Variants in TASOR2 observed in about 807,000 individuals in gnomAD.
The protein encoded by TASOR2 is transcription activation suppressor family member 2, also known as protein TASOR 2.
TASOR2 carries 84 observed loss-of-function variants against 199.5 expected under a neutral mutation model. The observed-to-expected ratio is 0.42, with a 90% CI of 0.35 to 0.50. The LOEUF (loss-of-function observed/expected upper bound fraction) is 0.50. Ranked by LOEUF, TASOR2 falls within the 20% of genes least tolerant of loss-of-function variation. The pLI is 0.02. For synonymous variants in TASOR2, 1,103 were observed against 1,046.6 expected, an observed-to-expected ratio of 1.05 and a Z score of -1.04; for missense variants, 2,796 against 2,835.9, an observed-to-expected ratio of 0.99 and a Z score of 0.32.
At chr10:5,749,683 G>A (rs1267313237) in exon 15 of TASOR2, 1 of 1,614,160 alleles carries the variant, frequency 6.2e-7, no homozygotes, top group Non-Finnish European at 8.5e-7. Context: ...AAATCACACT[G>A]TTTCATTCCA....
intron 10 of TASOR2, among the ~76,000 whole-genome samples, chr10:5,728,447 C>T (rs1292497621): frequency 6.6e-6 from 1 of 151,746 alleles, no homozygotes; most frequent in Non-Finnish European, 1.5e-5. Flanking sequence ...ACCATCCTGG[C>T]CAACATGGTG....
rs1381783487 is a variant in TASOR2 at position 5,752,082 on chromosome 10, G to A, written c.6606+2055G>A. 1.3e-5 allele frequency among the ~76,000 whole-genome samples: 2 copies of A among 151,934 alleles called. No individual in the cohort carries two copies. The highest frequency in any genetic ancestry group is 2.9e-5 in the Non-Finnish European group (2 of 67,998). On this transcript the variant is annotated intron_variant, in intron 15 of 20. Transcript: ENST00000328090. This position sits in a 1 kb window ranked among gnomAD's most constrained non-coding sequence, Gnocchi z 4.4. ...CCTCCCGAAACTCCCTGACCTGAGCGCGGGCCAGCTGCCCTCCCCCTACCC... is the reference window on the plus strand; with the variant it reads ...CCTCCCGAAACTCCCTGACCTGAGCACGGGCCAGCTGCCCTCCCCCTACCC...
Position 5,738,007 on chromosome 10 carries a change from A to T in TASOR2, c.1448-1611A>T, listed in dbSNP as rs539474058. 6.6e-6 allele frequency among the ~76,000 whole-genome samples: 1 copy of T among 152,374 alleles called. No homozygotes were observed. The highest frequency in any genetic ancestry group is 2.1e-4 in the South Asian group (1 of 4,834). ...AATTTTTTTCTTAAGCACCTATGTT[A>T]ATCATTTTACTTCTTATACTTAAAA... On this transcript the variant is annotated intron_variant, in intron 12 of 20. Transcript: ENST00000328090. This position sits in a 1 kb window ranked among gnomAD's most constrained non-coding sequence, Gnocchi z 4.7.
chr10:5,697,154 T>C (rs2131508254), intron 1 of TASOR2, among the ~76,000 whole-genome samples: 1 of 152,280 alleles, frequency 6.6e-6, no homozygotes, highest in African/African-American at 2.4e-5. Context: ...TAAACAAAAC[T>C]TCATTGTACC....
Position 5,748,166 on chromosome 10 carries a change from T to G in TASOR2, c.4745T>G (p.Ile1582Ser). The G allele has an allele frequency of 6.2e-7, 1 of 1,614,252 alleles. No individual in the cohort carries two copies. The highest frequency in any genetic ancestry group is 8.5e-7 in the Non-Finnish European group (1 of 1,180,038). The change falls in exon 15 of 21, where the codon ATT becomes AGT. Residue 1582 changes from isoleucine to serine, a missense_variant. This residue lies in a region of TASOR2 where 1,941 missense variants were observed against 1,924.9 expected (regional missense o/e 1.01). Coordinates refer to ENST00000328090, the Ensembl canonical transcript of TASOR2. The surrounding 1 kb of genome is among the most constrained non-coding windows in gnomAD (Gnocchi z 5.1). ...CCTCCATTTGGTCCTAGAAATGTTA[T>G]TGAAAATAAGTCTTTGTCTGACACA...
intron 11 of TASOR2, among the ~76,000 whole-genome samples, chr10:5,731,560 T>A (rs1453875143): frequency 1.3e-5 from 2 of 152,230 alleles, no homozygotes; most frequent in Non-Finnish European, 2.9e-5. Context: ...TCGATCCCTC[T>A]GCTGTCTTGG....
Position 5,749,654 on chromosome 10 carries a change from ATCTTAGAAAT to A in TASOR2, c.6237_6246del (p.Arg2080LysfsTer13). 6.2e-7 allele frequency: 1 copy of A among 1,614,154 alleles called. No individual in the cohort carries two copies. The highest frequency in any genetic ancestry group is 8.5e-7 in the Non-Finnish European group (1 of 1,180,004). ...AGAGAGAGATGTAGTCATAATAGAG[ATCTTAGAAAT>A]TCTCAAAGAAATCACACTGTTTCAT... is the stretch of plus-strand genomic sequence containing the variant. On this transcript the variant is annotated frameshift_variant, in exon 15 of 21. Transcript: ENST00000328090. LOFTEE classifies it high-confidence loss of function.
chr10:5,732,926 A>C (rs1007384249), intron 11 of TASOR2, among the ~76,000 whole-genome samples: 1 of 152,138 alleles, frequency 6.6e-6, no homozygotes. Context: ...TTAGGAGGGT[A>C]AGTGGAAAGT....
rs1838607397 is a variant in TASOR2 at position 5,754,695 on chromosome 10, A to T, written c.6607-1918A>T. Among the ~76,000 whole-genome samples, 1 of 152,120 alleles carries T rather than the reference A, an allele frequency of 6.6e-6. No homozygotes were observed. The highest frequency in any genetic ancestry group is 2.4e-5 in the African/African-American group (1 of 41,420). ...TCATAATATTTTATCACGTGGTGTC[A>T]CTGTTTACAACAGAAAATAACAAAT... On this transcript the variant is annotated intron_variant, in intron 15 of 20. Transcript: ENST00000328090. The surrounding 1 kb of genome is among the most constrained non-coding windows in gnomAD (Gnocchi z 4.3).
intron 1 of TASOR2, among the ~76,000 whole-genome samples, chr10:5,691,947 G>GCGGGCTGATCAGTTGAGGT (rs1836471256): frequency 6.6e-6 from 1 of 152,130 alleles, no homozygotes; most frequent in Admixed American, 6.5e-5. Context: ...AGAGACAGAG[G>GCGGGCTGATCAGTTGAGGT]CGGGCTGATC....
At chr10:5,714,820 T>G (rs1832403228) in intron 2 of TASOR2, among the ~76,000 whole-genome samples, 1 of 152,166 alleles carries the variant, frequency 6.6e-6, no homozygotes, top group Admixed American at 6.5e-5. Context: ...ATGAGTTGAA[T>G]TTGAGAAAAA....
intron 14 of TASOR2, among the ~76,000 whole-genome samples, chr10:5,743,019 A>C (rs1207713447): frequency 6.6e-6 from 1 of 152,370 alleles, no homozygotes; most frequent in East Asian, 1.9e-4. Context: ...GCAAATAACT[A>C]TTTGTAAATA....
chr10:5,739,958 A>G (rs767090749), exon 13 of TASOR2: 20 of 1,614,012 alleles, frequency 1.2e-5, no homozygotes, highest in Middle Eastern at 1.6e-4. Flanking sequence ...GTGAATTACT[A>G]CCTAACCCAT....
chr10:5,704,993 A>G (rs1421446545), intron 1 of TASOR2, among the ~76,000 whole-genome samples: 2 of 152,210 alleles, frequency 1.3e-5, no homozygotes, highest in African/African-American at 2.4e-5. Flanking sequence ...TTTCAGCTCA[A>G]CTTCATTGAG....
At chr10:5,756,655 C>T in exon 16 of TASOR2, 1 of 1,613,412 alleles carries the variant, frequency 6.2e-7, no homozygotes. Context: ...TGAACCTCAG[C>T]ACTTCTGTCA....
At chr10:5,712,348 C>T (rs1832031327) in intron 1 of TASOR2, 1 of 1,223,196 alleles carries the variant, frequency 8.2e-7, no homozygotes, top group Non-Finnish European at 1.0e-6. Flanking sequence ...TAACCCCATC[C>T]TTTGGAATCT....
rs189660499 is a variant in TASOR2 at position 5,750,731 on chromosome 10, C to G, written c.6606+704C>G. ...ACCATTTGCAAATGTGTTGCACACA[C>G]AGTGTCCCATTACCTCTTGATACTT... On this transcript the variant is annotated intron_variant, in intron 15 of 20. Coordinates refer to ENST00000328090, the Ensembl canonical transcript of TASOR2. The surrounding 1 kb of genome is among the most constrained non-coding windows in gnomAD (Gnocchi z 5.4). Among the ~76,000 whole-genome samples, 19 of 152,306 alleles carry G rather than the reference C, an allele frequency of 1.2e-4. No homozygotes were observed. Among genetic ancestry groups the G allele is most frequent in the Admixed American group, 6.5e-4 (10 of 15,310 alleles).
In TASOR2 at chr10:5,748,989, C is replaced by T. The variant is rs779999882; in HGVS notation, c.5568C>T (p.Thr1856=). ...CTTATACTTTAAGAGGTAGTTACAC[C>T]AGGAAAAAAGATGTTCCCACAGATG... The change falls in exon 15 of 21, where the codon ACC becomes ACT. Residue 1856 remains threonine, a synonymous_variant. Transcript: ENST00000328090. This position sits in a 1 kb window ranked among gnomAD's most constrained non-coding sequence, Gnocchi z 5.1. The T allele has an allele frequency of 1.9e-6, 3 of 1,613,974 alleles. No individual in the cohort carries two copies. Among genetic ancestry groups the T allele is most frequent in the African/African-American group, 1.3e-5 (1 of 74,966 alleles).
At chr10:5,762,215 C>T (rs1260564807) in intron 19 of TASOR2, among the ~76,000 whole-genome samples, 2 of 77,002 alleles carry the variant, frequency 2.6e-5, no homozygotes, top group East Asian at 4.4e-4. Context: ...CACCACTGCA[C>T]TGTAACCTGG....
Sources: allele counts gnomAD v4.1 joint callset (sites outside exome capture counted in the v4.1 genomes callset), GRCh38; gene constraint gnomAD v4.1.1; regional missense constraint gnomAD v4.1.1; non-coding constraint Gnocchi (gnomAD v3.1); transcripts MANE v1.5; gene names NCBI Gene and HGNC (gene_info 2026-07-23, HGNC 2026-07-21).